The following ME1 variants were observed in gnomAD, a reference collection of about 807,000 sequenced individuals.
The protein encoded by ME1 is malic enzyme 1, also known as NADP-dependent malic enzyme.
A neutral mutation model predicts 66.4 loss-of-function variants in ME1; 74 were observed. That is an observed-to-expected ratio of 1.11 (90% CI 0.92 to 1.35). The LOEUF (loss-of-function observed/expected upper bound fraction) is 1.35, where lower values mean the gene tolerates loss of function less well. ME1 is among the 40% of genes most tolerant of loss of function. The pLI, the probability that ME1 is intolerant of heterozygous loss-of-function variation, is 0.00. For synonymous variants in ME1, 251 were observed against 235.6 expected, an observed-to-expected ratio of 1.07 and a Z score of -0.60; for missense variants, 750 against 694.1, an observed-to-expected ratio of 1.08 and a Z score of -0.90.
chr6:83,409,836 C>T (rs1475281082), intron 1 of ME1, among the ~76,000 whole-genome samples: 2 of 152,232 alleles, frequency 1.3e-5, no homozygotes, highest in African/African-American at 4.8e-5. Context: ...CAGCCATTCT[C>T]ATAGCTGCAA....
intron 7 of ME1, among the ~76,000 whole-genome samples, chr6:83,249,869 C>T (rs534696346): frequency 6.6e-6 from 1 of 152,248 alleles, no homozygotes; most frequent in South Asian, 2.1e-4. Flanking sequence ...GCCTTTCCCC[C>T]ATCTAACAGT....
At chr6:83,405,052 T>C (rs1769912798) in intron 2 of ME1, among the ~76,000 whole-genome samples, 1 of 152,220 alleles carries the variant, frequency 6.6e-6, no homozygotes, top group Non-Finnish European at 1.5e-5. Context: ...AAAAAGTCAA[T>C]GGTAGCTTGA....
Position 83,325,616 on chromosome 6 carries a change from T to C in ME1, c.601-10203A>G, listed in dbSNP as rs137987704. 8.0e-4 allele frequency among the ~76,000 whole-genome samples: 122 copies of C among 152,238 alleles called. 1 individual carries two copies. The highest frequency in any genetic ancestry group is 2.9e-3 in the African/African-American group (119 of 41,548). The stretch of plus-strand genomic sequence containing the variant: ...ATCATGAGTGAACTCCCATTCACAA[T>C]TGCTACTAAGAGAATAAAGTACCTA... On this transcript the variant is annotated intron_variant, in intron 5 of 13. Coordinates refer to ENST00000369705, the MANE Select transcript of ME1 (RefSeq NM_002395.6).
intron 6 of ME1, among the ~76,000 whole-genome samples, chr6:83,274,865 T>C (rs1043367704): frequency 2.6e-5 from 4 of 152,222 alleles, no homozygotes. Context: ...GCAAAGTATG[T>C]AATTGTGTTT....
chr6:83,299,078 C>T (rs1389560497), intron 6 of ME1, among the ~76,000 whole-genome samples: 1 of 150,114 alleles, frequency 6.7e-6, no homozygotes, highest in Non-Finnish European at 1.5e-5. Context: ...CTTGGCTATT[C>T]GGGCTCTTTT....
intron 6 of ME1, among the ~76,000 whole-genome samples, chr6:83,273,197 A>AAAAG (rs1226878224): frequency 6.6e-6 from 1 of 150,452 alleles, no homozygotes; most frequent in Non-Finnish European, 1.5e-5. Flanking sequence ...AAAAAAAAAA[A>AAAAG]GACACTGTAT....
At position 83,409,259 on chromosome 6, in the gene ME1, T is replaced by A. The variant is rs560472722; in HGVS notation, c.79-1358A>T. ...TGGCAGCCTGAAGGGACTAAGATAG[T>A]TAGTTTTGCTCATTGTCACTACTGC... On this transcript the variant is annotated intron_variant, in intron 1 of 13. Coordinates refer to ENST00000369705, the MANE Select transcript of ME1 (RefSeq NM_002395.6). 5.9e-5 allele frequency among the ~76,000 whole-genome samples: 9 copies of A among 152,286 alleles called. No homozygotes were observed. The East Asian group carries it at 1.5e-3, about 26-fold the overall frequency.
intron 9 of ME1, among the ~76,000 whole-genome samples, chr6:83,232,410 G>A (rs1252222079): frequency 6.6e-6 from 1 of 152,174 alleles, no homozygotes; most frequent in Non-Finnish European, 1.5e-5. Flanking sequence ...CAAAAGTATA[G>A]TAAGGGGCAT....
intron 3 of ME1, among the ~76,000 whole-genome samples, chr6:83,354,851 A>C (rs1228031805): frequency 1.3e-5 from 2 of 152,202 alleles, no homozygotes; most frequent in Non-Finnish European, 2.9e-5. Context: ...TGCTGACTTC[A>C]GTGCTGAAAA....
intron 6 of ME1, among the ~76,000 whole-genome samples, chr6:83,290,111 T>A (rs1767474520): frequency 6.6e-6 from 1 of 152,214 alleles, no homozygotes; most frequent in African/African-American, 2.4e-5. Flanking sequence ...AAGGTTTTTT[T>A]TGTGTCTCTA....
chr6:83,273,615 T>C (rs979152564), intron 6 of ME1, among the ~76,000 whole-genome samples: 2 of 152,180 alleles, frequency 1.3e-5, no homozygotes, highest in South Asian at 2.1e-4. Flanking sequence ...AAAAAAGAGG[T>C]TGATTTTCCT....
intron 7 of ME1, among the ~76,000 whole-genome samples, chr6:83,243,869 C>G (rs368673664): frequency 2.6e-5 from 3 of 113,766 alleles, no homozygotes; most frequent in East Asian, 2.3e-4. Context: ...ATATAACTCT[C>G]TCTCTATATG....
At chr6:83,281,413 A>G (rs1175564170) in intron 6 of ME1, among the ~76,000 whole-genome samples, 1 of 152,232 alleles carries the variant, frequency 6.6e-6, no homozygotes, top group Non-Finnish European at 1.5e-5. Context: ...TCATCTAACA[A>G]CATTACTTAT....
chr6:83,349,021 C>G (rs1768747978), intron 4 of ME1, among the ~76,000 whole-genome samples: 1 of 140,498 alleles, frequency 7.1e-6, no homozygotes, highest in Non-Finnish European at 1.5e-5. Flanking sequence ...AAAAACAGTG[C>G]ATTCTTTCTT....
intron 2 of ME1, among the ~76,000 whole-genome samples, chr6:83,400,470 T>C (rs146165038): frequency 8.1e-4 from 124 of 152,344 alleles, no homozygotes; most frequent in South Asian, 2.3e-3. Flanking sequence ...TTTATAGCAA[T>C]GCAAGAACAG....
chr6:83,362,494 G>A (rs1769023642), intron 3 of ME1, among the ~76,000 whole-genome samples: 1 of 152,200 alleles, frequency 6.6e-6, no homozygotes, highest in African/African-American at 2.4e-5. Flanking sequence ...AAGTACCCAT[G>A]GTGGCAGGGG....
At chr6:83,380,077 C>T (rs1583408967) in intron 3 of ME1, among the ~76,000 whole-genome samples, 1 of 152,130 alleles carries the variant, frequency 6.6e-6, no homozygotes, top group East Asian at 1.9e-4. Flanking sequence ...ATTCACTTAA[C>T]AAAAATTGCT....
intron 6 of ME1, among the ~76,000 whole-genome samples, chr6:83,304,342 G>A (rs1410013687): frequency 6.6e-6 from 1 of 152,110 alleles, no homozygotes; most frequent in African/African-American, 2.4e-5. Flanking sequence ...TCCAAACCAT[G>A]GTAAATTAAC....
At chr6:83,282,791 T>C (rs1028668328) in intron 6 of ME1, among the ~76,000 whole-genome samples, 9 of 152,120 alleles carry the variant, frequency 5.9e-5, no homozygotes, top group African/African-American at 1.9e-4. Context: ...ATCATTCTAC[T>C]ATAAAGACAC....
Sources: allele counts gnomAD v4.1 joint callset (sites outside exome capture counted in the v4.1 genomes callset), GRCh38; gene constraint gnomAD v4.1.1; transcripts MANE v1.5; gene names NCBI Gene and HGNC (gene_info 2026-07-23, HGNC 2026-07-21).